LINGO2: variants seen among roughly 807,000 people sequenced by gnomAD.
The protein encoded by LINGO2 is leucine-rich repeat and immunoglobulin-like domain-containing nogo receptor-interacting protein 2.
LINGO2 carries 14 observed loss-of-function variants against 30.6 expected under a neutral mutation model. That is an observed-to-expected ratio of 0.46 (90% CI 0.30 to 0.72). LINGO2 has a LOEUF of 0.72. Ranked by LOEUF, LINGO2 falls within the 30% of genes least tolerant of loss-of-function variation. The probability of loss-of-function intolerance (pLI) is 0.07; values close to 1 mark genes in which losing one functional copy is unlikely to be tolerated. For missense variants in LINGO2, 729 were observed against 751.7 expected (o/e 0.97, Z 0.35); for synonymous variants, 317 against 288.5 (o/e 1.10, Z -1.00).
chr9:28,324,883 A>G (rs1825171393), intron 3 of LINGO2, among the ~76,000 whole-genome samples: 1 of 152,132 alleles, frequency 6.6e-6, no homozygotes, highest in South Asian at 2.1e-4. Context: ...TTCTCCGATA[A>G]TATTGATTTG....
intron 4 of LINGO2, among the ~76,000 whole-genome samples, chr9:28,028,968 GCA>G (rs934990742): frequency 6.6e-6 from 1 of 152,098 alleles, no homozygotes; most frequent in African/African-American, 2.4e-5. Context: ...ATCAAACACT[GCA>G]CAGACAACTG....
chr9:28,239,459 C>T (rs1266020030), intron 4 of LINGO2, among the ~76,000 whole-genome samples: 2 of 152,098 alleles, frequency 1.3e-5, no homozygotes, highest in Non-Finnish European at 2.9e-5. Flanking sequence ...GGATTTACAA[C>T]AGGGCTGTAA....
chr9:28,598,989 CTTG>C (rs920250976), intron 1 of LINGO2: 4 of 152,184 alleles, frequency 2.6e-5, no homozygotes, highest in Non-Finnish European at 5.9e-5. Context: ...TTTTCATCAA[CTTG>C]TTGTCAGATA....
chr9:29,071,238 T>C, the LINGO2 span, among the ~76,000 whole-genome samples: 1 of 150,496 alleles, frequency 6.6e-6, no homozygotes, highest in Non-Finnish European at 1.5e-5. Context: ...TCACTAAAAC[T>C]GGAGTGTAGT....
chr9:28,756,600 C>T, the LINGO2 span, among the ~76,000 whole-genome samples: 1 of 151,806 alleles, frequency 6.6e-6, no homozygotes, highest in East Asian at 1.9e-4. Flanking sequence ...AAATTGTAAT[C>T]CCCATGATCC....
chr9:28,415,238 A>C (rs1472880843), intron 2 of LINGO2, among the ~76,000 whole-genome samples: 1 of 152,142 alleles, frequency 6.6e-6, no homozygotes, highest in Admixed American at 6.6e-5. Context: ...TAGAATGGAT[A>C]GGAAACTATC....
chr9:28,261,431 C>T (rs1285769824), intron 4 of LINGO2, among the ~76,000 whole-genome samples: 1 of 151,880 alleles, frequency 6.6e-6, no homozygotes, highest in African/African-American at 2.4e-5. Flanking sequence ...ACCATCTATC[C>T]TTGGGTTGAG....
the LINGO2 span, among the ~76,000 whole-genome samples, chr9:29,107,260 G>A: frequency 6.6e-6 from 1 of 152,058 alleles, no homozygotes; most frequent in African/African-American, 2.4e-5. Context: ...AATTCACAAA[G>A]ATTACAATAT....
chr9:28,863,555 G>A, the LINGO2 span: 1 of 489,896 alleles, frequency 2.0e-6, no homozygotes, highest in African/African-American at 2.0e-5. Context: ...GTAATACAAA[G>A]TGGCTTGTTC....
chr9:29,083,285 T>G, the LINGO2 span, among the ~76,000 whole-genome samples: 153 of 152,044 alleles, frequency 1.0e-3, no homozygotes, highest in Non-Finnish European at 1.3e-3. Context: ...CCTTTGTAGG[T>G]ACATGGATGA....
intron 4 of LINGO2, among the ~76,000 whole-genome samples, chr9:28,117,344 G>A (rs1030272264): frequency 3.6e-5 from 5 of 140,834 alleles, no homozygotes; most frequent in African/African-American, 1.3e-4. Context: ...TAAGTCTGCA[G>A]AGGTTACTGC....
chr9:28,763,314 A>G, the LINGO2 span, among the ~76,000 whole-genome samples: 1 of 152,040 alleles, frequency 6.6e-6, no homozygotes, highest in Non-Finnish European at 1.5e-5. Context: ...CAAATTTAAG[A>G]AGACTGAAAT....
the LINGO2 span, among the ~76,000 whole-genome samples, chr9:28,995,616 A>T: frequency 6.6e-6 from 1 of 152,168 alleles, no homozygotes; most frequent in African/African-American, 2.4e-5. Context: ...ACTTGGAACC[A>T]ACCCAAATGT....
chr9:28,355,263 C>CTA (rs1820127278), intron 3 of LINGO2, among the ~76,000 whole-genome samples: 1 of 145,936 alleles, frequency 6.9e-6, no homozygotes, highest in Non-Finnish European at 1.5e-5. Context: ...CTGTCTCTGT[C>CTA]TCTCTCTCTG....
At chr9:28,025,830 C>T (rs1166702319) in intron 4 of LINGO2, among the ~76,000 whole-genome samples, 1 of 152,146 alleles carries the variant, frequency 6.6e-6, no homozygotes, top group African/African-American at 2.4e-5. Flanking sequence ...CTGAGGATGG[C>T]TGGATTCATA....
the LINGO2 span, among the ~76,000 whole-genome samples, chr9:28,859,134 GT>G: frequency 6.6e-6 from 1 of 152,046 alleles, no homozygotes. Context: ...CTGAAGGAGA[GT>G]AATTTTCAAG....
the LINGO2 span, among the ~76,000 whole-genome samples, chr9:28,948,615 A>G: frequency 2.0e-5 from 3 of 152,072 alleles, no homozygotes; most frequent in African/African-American, 7.2e-5. Context: ...ATAAAATACA[A>G]TGAAATCACA....
chr9:28,565,963 A>G (rs1042803782), intron 1 of LINGO2, among the ~76,000 whole-genome samples: 2 of 152,130 alleles, frequency 1.3e-5, no homozygotes, highest in Non-Finnish European at 1.5e-5. Flanking sequence ...CTATATATCT[A>G]TATCTGTATA....
In LINGO2 at chr9:28,571,832, T is replaced by C. The variant is rs543004878; in HGVS notation, c.-364-95807A>G. ...AATTAAGACAATGTTCCGAACATCA[T>C]GGACCAGAAAATTAGCTATTACTCA... On this transcript the variant is annotated intron_variant, in intron 1 of 5. Coordinates refer to ENST00000379992, the Ensembl canonical transcript of LINGO2. 7.2e-5 allele frequency among the ~76,000 whole-genome samples: 11 copies of C among 152,218 alleles called. No homozygotes were observed. The South Asian group carries it at 1.0e-3, about 14-fold the overall frequency.
Sources: gnomAD v4.1 joint callset for allele counts (sites outside exome capture counted in the v4.1 genomes callset) on GRCh38, gnomAD v4.1.1 for gene constraint, MANE v1.5 for transcripts, NCBI Gene and HGNC (gene_info 2026-07-23, HGNC 2026-07-21) for gene names.